The following RYR2 variants were observed in gnomAD, a reference collection of about 807,000 sequenced individuals.
RYR2 encodes cardiac muscle ryanodine receptor-calcium release channel.
Under a neutral mutation model 601.1 loss-of-function variants are expected in RYR2, and 227 were observed. The observed-to-expected ratio is 0.38, with a 90% CI of 0.34 to 0.42. The LOEUF is 0.42. Ranked by LOEUF, RYR2 falls within the 10% of genes least tolerant of loss-of-function variation. RYR2 has a pLI of 1.00. For missense variants in RYR2, 4,646 were observed against 6,156.5 expected (o/e 0.75, Z 8.21); for synonymous variants, 2,223 against 2,175.1 (o/e 1.02, Z -0.61).
chr1:237,586,907 A>C (rs1487921113), intron 29 of RYR2, among the ~76,000 whole-genome samples: 2 of 151,858 alleles, frequency 1.3e-5, no homozygotes, highest in Admixed American at 6.6e-5. Context: ...TTTAGTAAAG[A>C]AGGGTTTCAC....
intron 46 of RYR2, among the ~76,000 whole-genome samples, chr1:237,640,272 A>G (rs1378072198): frequency 6.6e-6 from 1 of 152,130 alleles, no homozygotes; most frequent in Non-Finnish European, 1.5e-5. Flanking sequence ...AGGAGGGAGG[A>G]TGTGAGCCTC....
chr1:237,425,104 T>A (rs1706013334), intron 12 of RYR2, among the ~76,000 whole-genome samples: 1 of 152,192 alleles, frequency 6.6e-6, no homozygotes, highest in Non-Finnish European at 1.5e-5. Context: ...ACTTAAAAGT[T>A]TTTTAGTGCT....
chr1:237,353,121 A>T (rs926829471), intron 3 of RYR2, among the ~76,000 whole-genome samples: 2 of 152,222 alleles, frequency 1.3e-5, no homozygotes, highest in Non-Finnish European at 2.9e-5. Flanking sequence ...AAAGCCTGCC[A>T]CATGGTAACT....
chr1:237,741,898 G>A (rs1006664510), intron 79 of RYR2, among the ~76,000 whole-genome samples: 9 of 152,014 alleles, frequency 5.9e-5, no homozygotes, highest in East Asian at 3.9e-4. Flanking sequence ...CACCTCGCCC[G>A]GTCTAATTTT....
intron 15 of RYR2, among the ~76,000 whole-genome samples, chr1:237,454,796 T>G (rs1057349163): frequency 6.6e-6 from 1 of 152,338 alleles, no homozygotes; most frequent in South Asian, 2.1e-4. Flanking sequence ...AATCTTTTCA[T>G]TCTCCTGGCA....
At chr1:237,169,746 C>G (rs1677147303) in intron 1 of RYR2, among the ~76,000 whole-genome samples, 1 of 152,130 alleles carries the variant, frequency 6.6e-6, no homozygotes, top group Non-Finnish European at 1.5e-5. Context: ...GCTTGGCGCT[C>G]TAGAAATAAT....
chr1:237,483,887 G>A (rs1662386280), intron 17 of RYR2, among the ~76,000 whole-genome samples: 1 of 152,120 alleles, frequency 6.6e-6, no homozygotes, highest in Admixed American at 6.6e-5. Context: ...CCAGGTAGGA[G>A]GGAAAAAAAT....
At chr1:237,670,283 G>A (rs1265431376) in intron 58 of RYR2, among the ~76,000 whole-genome samples, 2 of 148,168 alleles carry the variant, frequency 1.3e-5, no homozygotes, top group Admixed American at 6.8e-5. Flanking sequence ...ACCGTGGGGA[G>A]AGGGAGACTG....
chr1:237,151,441 T>C (rs1487925970), intron 1 of RYR2, among the ~76,000 whole-genome samples: 1 of 152,190 alleles, frequency 6.6e-6, no homozygotes, highest in Non-Finnish European at 1.5e-5. Context: ...GTTGCTGATG[T>C]TATTTAGCAA....
At chr1:237,174,772 C>T (rs146661920) in intron 1 of RYR2, among the ~76,000 whole-genome samples, 209 of 152,298 alleles carry the variant, frequency 1.4e-3, no homozygotes, top group African/African-American at 4.8e-3. Flanking sequence ...CTGGACTCTG[C>T]TGTTAGAAAT....
At chr1:237,375,756 GT>G (rs1452637509) in intron 7 of RYR2, among the ~76,000 whole-genome samples, 1 of 152,080 alleles carries the variant, frequency 6.6e-6, no homozygotes, top group African/African-American at 2.4e-5. Flanking sequence ...ATTTTTGCTA[GT>G]TTTTTAGTTT....
chr1:237,578,246 G>A (rs1160882024), intron 29 of RYR2, among the ~76,000 whole-genome samples: 1 of 152,136 alleles, frequency 6.6e-6, no homozygotes, highest in Non-Finnish European at 1.5e-5. Flanking sequence ...GTGAAGGGGG[G>A]TGTGATCTCA....
At chr1:237,638,325 G>A (rs775306350) in intron 44 of RYR2, 32 bp from the exon 45 acceptor site, 6 of 1,613,182 alleles carry the variant, frequency 3.7e-6, no homozygotes, top group Non-Finnish European at 5.1e-6. Flanking sequence ...TTCAGCCAAG[G>A]GATAACTCTT....
At chr1:237,600,733 G>A (rs1172352472) in intron 34 of RYR2, among the ~76,000 whole-genome samples, 1 of 151,978 alleles carries the variant, frequency 6.6e-6, no homozygotes, top group African/African-American at 2.4e-5. Flanking sequence ...GAATATATAA[G>A]GAACACAAAC....
Position 237,623,883 on chromosome 1 carries a change from T to C in RYR2, c.6022+13T>C. ...ATGACACATTGTGGTAAGGTCTTTT[T>C]GATTAAAAGCTTTTATTAATTGTAT... On this transcript the variant is annotated intron_variant, in intron 39 of 104. Transcript: ENST00000366574. 6.6e-7 allele frequency: 1 copy of C among 1,518,452 alleles called. No individual in the cohort carries two copies. Among genetic ancestry groups the C allele is most frequent in the Non-Finnish European group, 9.1e-7 (1 of 1,093,624 alleles). The allele number at this position is 1,518,452 out of a possible 1,614,324, so 94.1% of individuals were successfully genotyped here.
At position 237,459,552 on chromosome 1, in the gene RYR2, G is replaced by A. The variant is rs571005696; in HGVS notation, c.1612+2817G>A. ...CTCTTTTTATAGTCTCTGTTCATTG[G>A]TCCCTTCAACAGGTATTGTATCCAT... On this transcript the variant is annotated intron_variant, in intron 16 of 104. Transcript: ENST00000366574. Among the ~76,000 whole-genome samples, 35 of 152,106 alleles carry A rather than the reference G, an allele frequency of 2.3e-4. 1 individual carries two copies. In the South Asian group the frequency reaches 6.7e-3, roughly 29 times the overall value.
intron 69 of RYR2, 34 bp from the exon 70 acceptor site, chr1:237,709,446 G>C: frequency 7.4e-7 from 1 of 1,348,380 alleles, no homozygotes; most frequent in East Asian, 2.3e-5. Context: ...TTAAGGAGTA[G>C]CTGAGAAACC....
At chr1:237,738,937 A>T (rs1455215393) in intron 79 of RYR2, among the ~76,000 whole-genome samples, 1 of 152,204 alleles carries the variant, frequency 6.6e-6, no homozygotes, top group Non-Finnish European at 1.5e-5. Flanking sequence ...ACAATGGTTA[A>T]GAGAGATTCT....
intron 84 of RYR2, among the ~76,000 whole-genome samples, chr1:237,769,163 A>G (rs1401342215): frequency 6.6e-6 from 1 of 152,178 alleles, no homozygotes; most frequent in African/African-American, 2.4e-5. Context: ...AAAATTGCAG[A>G]TGGGCTCACA....
Sources: allele counts gnomAD v4.1 joint callset (sites outside exome capture counted in the v4.1 genomes callset), GRCh38; gene constraint gnomAD v4.1.1; transcripts MANE v1.5; gene names NCBI Gene and HGNC (gene_info 2026-07-23, HGNC 2026-07-21).